Variants in PARD3 observed in about 807,000 individuals in gnomAD.
PARD3 encodes partitioning defective 3 homolog.
PARD3 carries 75 observed loss-of-function variants against 155.4 expected under a neutral mutation model. That is an observed-to-expected ratio of 0.48 (90% CI 0.40 to 0.58). PARD3 has a LOEUF of 0.58. Ranked by LOEUF, PARD3 falls within the 20% of genes least tolerant of loss-of-function variation. The pLI is 0.00. For missense variants in PARD3, 1,642 were observed against 1,721.7 expected (o/e 0.95, Z 0.82); for synonymous variants, 576 against 610.5 (o/e 0.94, Z 0.83).
intron 3 of PARD3, among the ~76,000 whole-genome samples, chr10:34,501,686 T>C (rs1459313933): frequency 1.3e-5 from 2 of 152,004 alleles, no homozygotes; most frequent in Non-Finnish European, 2.9e-5. Context: ...AATATTTAAA[T>C]GCATGTAAAA....
At chr10:34,414,243 G>A (rs150306355) in intron 5 of PARD3, among the ~76,000 whole-genome samples, 93 of 151,864 alleles carry the variant, frequency 6.1e-4, no homozygotes, top group South Asian at 3.8e-3. Flanking sequence ...AGGGAGGGGG[G>A]AGAAACAAAT....
chr10:34,721,290 A>G (rs1057389938), intron 1 of PARD3, among the ~76,000 whole-genome samples: 1 of 152,242 alleles, frequency 6.6e-6, no homozygotes, highest in Non-Finnish European at 1.5e-5. Context: ...TTAATATTCA[A>G]ATTAAGTTAT....
At chr10:34,428,452 C>T (rs917268992) in intron 5 of PARD3, among the ~76,000 whole-genome samples, 1 of 152,120 alleles carries the variant, frequency 6.6e-6, no homozygotes, top group Admixed American at 6.6e-5. Flanking sequence ...GAAACTCAAA[C>T]CCAGTCTGGG....
chr10:34,284,200 T>G lies in PARD3; in HGVS notation c.3111A>C (p.Lys1037Asn). Residue 1037 changes from lysine (K) to asparagine (N), a missense_variant, in exon 21 of 25, where the codon AAA (lysine) becomes AAC (asparagine). Lys to Asn is a moderately conservative substitution (Grantham distance 94). Around this residue, in one of 3 missense-constraint regions of PARD3, gnomAD observed 1,529 missense variants for 1,587.3 expected, o/e 0.96. Coordinates refer to ENST00000374788, the MANE Select transcript of PARD3 (RefSeq NM_001184785.2). ...RKDDKIEKTG[K>N]IKIQESFTSE... ...ATGTAAAGGATTCCTGTATTTTTAT[T>G]TTACCCGTTTTCTCAATCTTGTCAT... is the stretch of plus-strand genomic sequence containing the variant. 1 of 1,610,958 alleles carries G rather than the reference T, an allele frequency of 6.2e-7. No individual in the cohort carries two copies.
At chr10:34,518,669 T>C (rs1294485162) in intron 2 of PARD3, among the ~76,000 whole-genome samples, 2 of 150,114 alleles carry the variant, frequency 1.3e-5, no homozygotes, top group African/African-American at 2.4e-5. Flanking sequence ...TAAACAGCTG[T>C]TCCCTGCTGT....
At chr10:34,805,556 T>C (rs1451087740) in intron 1 of PARD3, among the ~76,000 whole-genome samples, 1 of 147,948 alleles carries the variant, frequency 6.8e-6, no homozygotes, top group African/African-American at 2.5e-5. Flanking sequence ...TATATATATA[T>C]ATATATATAT....
chr10:34,621,195 G>C (rs2091650024), intron 2 of PARD3, among the ~76,000 whole-genome samples: 1 of 151,804 alleles, frequency 6.6e-6, no homozygotes, highest in African/African-American at 2.4e-5. Flanking sequence ...TTTTGTTTTT[G>C]TTTTTTTGGG....
At chr10:34,394,816 C>T (rs1271251612) in intron 7 of PARD3, among the ~76,000 whole-genome samples, 1 of 152,052 alleles carries the variant, frequency 6.6e-6, no homozygotes, top group Admixed American at 6.6e-5. Context: ...TATAGTAACA[C>T]CATATCTAAT....
At chr10:34,359,366 A>G (rs776848470) in intron 13 of PARD3, 49 bp from the exon 14 acceptor site, 2 of 1,356,004 alleles carry the variant, frequency 1.5e-6, no homozygotes, top group Non-Finnish European at 2.0e-6. Flanking sequence ...GACTGCTATA[A>G]AAGAAGTAGC....
intron 1 of PARD3, among the ~76,000 whole-genome samples, chr10:34,799,360 C>T (rs748849356): frequency 6.6e-5 from 10 of 152,026 alleles, no homozygotes; most frequent in African/African-American, 2.2e-4. Flanking sequence ...GATTCCTATA[C>T]GGAGGTGTCT....
intron 2 of PARD3, among the ~76,000 whole-genome samples, chr10:34,607,849 A>G (rs1342481946): frequency 6.6e-6 from 1 of 152,222 alleles, no homozygotes; most frequent in Admixed American, 6.5e-5. Flanking sequence ...CTTTCACCTA[A>G]CATCAGATCA....
chr10:34,594,204 T>A (rs1032215539), intron 2 of PARD3, among the ~76,000 whole-genome samples: 1 of 152,178 alleles, frequency 6.6e-6, no homozygotes, highest in African/African-American at 2.4e-5. Context: ...TTAGTAAGAC[T>A]TTCTGTTCAA....
In PARD3 at chr10:34,459,550, T is replaced by C. The variant is rs147753945; in HGVS notation, c.583-9102A>G. Among the ~76,000 whole-genome samples the C allele has an allele frequency of 6.9e-4, 105 of 152,250 alleles. 1 individual carries two copies. The South Asian group carries it at 7.9e-3, about 11-fold the overall frequency. On this transcript the variant is annotated intron_variant, in intron 4 of 24. Transcript: ENST00000374788. ...TTATAAGTAACAATAGCATTTTGCA[T>C]CAAGAATACTATGCACAATACAAAA...
chr10:34,696,395 G>C lies in PARD3; in HGVS notation c.145C>G (p.His49Asp), dbSNP rs1476575755. ...AKDPNYWIQV[H>D]RLEHGDGGIL... ...CCTCCATCTCCATGTTCCAAGCGATGCACCTGTATCCAGTAGTTTGGATCC... is the reference window on the plus strand; with the variant it reads ...CCTCCATCTCCATGTTCCAAGCGATCCACCTGTATCCAGTAGTTTGGATCC... The change falls in exon 2 of 25, where the codon CAT (histidine) becomes GAT (aspartate). Residue 49 changes from histidine (H) to aspartate (D), a missense_variant. Physicochemically the swap from His to Asp is moderately conservative, Grantham distance 81 (BLOSUM62 -1). Around this residue, in one of 3 missense-constraint regions of PARD3, gnomAD observed 38 missense variants for 69.1 expected, o/e 0.55. Transcript: ENST00000374788. 6.2e-7 allele frequency: 1 copy of C among 1,609,466 alleles called. No individual in the cohort carries two copies. Among genetic ancestry groups the C allele is most frequent in the Non-Finnish European group, 8.5e-7 (1 of 1,175,950 alleles).
intron 2 of PARD3, among the ~76,000 whole-genome samples, chr10:34,678,100 G>GTC (rs1238191101): frequency 6.6e-6 from 1 of 151,480 alleles, no homozygotes; most frequent in African/African-American, 2.4e-5. Flanking sequence ...TTGAGACAGG[G>GTC]TCTCACTCAG....
At chr10:34,687,176 C>T (rs959341442) in intron 2 of PARD3, among the ~76,000 whole-genome samples, 1 of 152,064 alleles carries the variant, frequency 6.6e-6, no homozygotes, top group Non-Finnish European at 1.5e-5. Context: ...TATTATAGCA[C>T]ATTTCAAAAA....
chr10:34,448,134 C>CATGT (rs142220985), intron 5 of PARD3, among the ~76,000 whole-genome samples: 3 of 147,042 alleles, frequency 2.0e-5, no homozygotes, highest in African/African-American at 7.7e-5. Context: ...ATATACACTG[C>CATGT]GTGTGTGTGT....
At chr10:34,633,766 A>G (rs896659176) in intron 2 of PARD3, among the ~76,000 whole-genome samples, 2 of 152,142 alleles carry the variant, frequency 1.3e-5, no homozygotes, top group Non-Finnish European at 1.5e-5. Context: ...TGTTTTCCAT[A>G]ATGTCTGTAT....
chr10:34,686,941 C>T (rs1385460002), intron 2 of PARD3, among the ~76,000 whole-genome samples: 1 of 151,680 alleles, frequency 6.6e-6, no homozygotes, highest in Admixed American at 6.6e-5. Context: ...CCCAGCTACT[C>T]GGGAGGCTGA....
Sources: allele counts gnomAD v4.1 joint callset (sites outside exome capture counted in the v4.1 genomes callset), GRCh38; gene constraint gnomAD v4.1.1; regional missense constraint gnomAD v4.1.1; transcripts MANE v1.5; gene names NCBI Gene and HGNC (gene_info 2026-07-23, HGNC 2026-07-21).